Variants in EYS observed in about 807,000 individuals in gnomAD.
EYS encodes the protein protein eyes shut homolog.
Under a neutral mutation model 282.1 loss-of-function variants are expected in EYS, and 250 were observed. The observed-to-expected ratio is 0.89, with a 90% CI of 0.80 to 0.98. The LOEUF is 0.98. EYS is among the 50% of genes least tolerant of loss of function. The probability of loss-of-function intolerance (pLI) is 0.00; values close to 1 mark genes in which losing one functional copy is unlikely to be tolerated. For missense variants in EYS, 4,016 were observed against 3,709.0 expected (o/e 1.08, Z -2.15); for synonymous variants, 1,355 against 1,282.9 (o/e 1.06, Z -1.20).
chr6:64,165,619 T>C (rs1458049676), intron 31 of EYS, among the ~76,000 whole-genome samples: 2 of 152,198 alleles, frequency 1.3e-5, no homozygotes, highest in Admixed American at 6.5e-5. Flanking sequence ...GATTAGTTTT[T>C]GATTTTACTG....
chr6:65,548,760 T>G (rs1216990931), intron 2 of EYS, among the ~76,000 whole-genome samples: 3 of 152,212 alleles, frequency 2.0e-5, no homozygotes, highest in African/African-American at 4.8e-5. Flanking sequence ...AAACCCACCC[T>G]ATGAAGCCCT....
At chr6:64,654,140 A>C (rs751683440) in intron 22 of EYS, among the ~76,000 whole-genome samples, 92 of 152,196 alleles carry the variant, frequency 6.0e-4, no homozygotes, top group Non-Finnish European at 1.1e-3. Context: ...TATTAGAAAC[A>C]GACATTATTG....
chr6:64,356,979 C>T (rs1474190265), intron 29 of EYS, among the ~76,000 whole-genome samples: 1 of 151,490 alleles, frequency 6.6e-6, no homozygotes, highest in Non-Finnish European at 1.5e-5. Context: ...TGATTGAAGA[C>T]TATAAAAAAT....
At chr6:63,806,695 C>A in intron 36 of EYS, 1 of 173,958 alleles carries the variant, frequency 5.7e-6, no homozygotes, top group Non-Finnish European at 1.2e-5. Flanking sequence ...GGCAGCCAAA[C>A]AAAGTATTTA....
chr6:64,449,929 T>G (rs1775263392), intron 26 of EYS, among the ~76,000 whole-genome samples: 2 of 152,066 alleles, frequency 1.3e-5, no homozygotes, highest in Admixed American at 6.5e-5. Flanking sequence ...CCGTCAAGGC[T>G]AGGAAGAAAC....
intron 1 of EYS, among the ~76,000 whole-genome samples, chr6:65,695,202 G>A (rs921565154): frequency 3.3e-5 from 5 of 151,872 alleles, no homozygotes; most frequent in Admixed American, 6.6e-5. Flanking sequence ...TTTCAACAGC[G>A]AGTTATGTGT....
intron 26 of EYS, among the ~76,000 whole-genome samples, chr6:64,502,015 C>T (rs1425211080): frequency 2.6e-5 from 4 of 152,086 alleles, no homozygotes; most frequent in Non-Finnish European, 5.9e-5. Flanking sequence ...AATATAACAC[C>T]GATCTCATAG....
At chr6:64,224,731 C>A (rs1030593416) in intron 31 of EYS, among the ~76,000 whole-genome samples, 1 of 151,458 alleles carries the variant, frequency 6.6e-6, no homozygotes, top group Admixed American at 6.6e-5. Flanking sequence ...TGAAAGGCAA[C>A]AAAAAGTTTT....
intron 26 of EYS, among the ~76,000 whole-genome samples, chr6:64,577,557 G>C (rs1016441031): frequency 6.6e-6 from 1 of 151,840 alleles, no homozygotes; most frequent in East Asian, 1.9e-4. Context: ...ACTATGATCA[G>C]GGCATTCATA....
intron 31 of EYS, among the ~76,000 whole-genome samples, chr6:64,106,803 T>G (rs1033878414): frequency 6.6e-6 from 1 of 152,076 alleles, no homozygotes; most frequent in Non-Finnish European, 1.5e-5. Flanking sequence ...ATATTCTCAT[T>G]ACATATGTGT....
At chr6:64,561,047 A>C (rs1317886238) in intron 26 of EYS, among the ~76,000 whole-genome samples, 1 of 152,196 alleles carries the variant, frequency 6.6e-6, no homozygotes, top group Non-Finnish European at 1.5e-5. Flanking sequence ...TACACAAATC[A>C]ATAAATGTGA....
At chr6:65,294,113 A>G (rs555909497) in intron 12 of EYS, among the ~76,000 whole-genome samples, 2 of 151,750 alleles carry the variant, frequency 1.3e-5, no homozygotes, top group African/African-American at 2.4e-5. Flanking sequence ...GAAGAATTCA[A>G]GATGAAGGGA....
chr6:64,181,238 T>C (rs1764779474), intron 31 of EYS, among the ~76,000 whole-genome samples: 1 of 152,130 alleles, frequency 6.6e-6, no homozygotes, highest in Non-Finnish European at 1.5e-5. Context: ...CACTGGACAT[T>C]AAAGATTTTA....
At position 64,373,361 on chromosome 6, in the gene EYS, A is replaced by G. The variant is rs147403077; in HGVS notation, c.6078+15329T>C. Among the ~76,000 whole-genome samples the G allele has an allele frequency of 2.6e-4, 40 of 152,268 alleles. No individual in the cohort carries two copies. In the East Asian group the frequency reaches 7.7e-3, roughly 29 times the overall value. ...CTCTCTGATTACTGTCTCCATGCCC[A>G]CATTTCTTTTGTTCTGGCCCACAAG... On this transcript the variant is annotated intron_variant, in intron 29 of 42. Transcript: ENST00000503581.
chr6:64,900,201 C>T (rs1767611551), intron 18 of EYS, among the ~76,000 whole-genome samples: 1 of 152,058 alleles, frequency 6.6e-6, no homozygotes, highest in East Asian at 1.9e-4. Flanking sequence ...AAAATGGACC[C>T]CTTCCTTACA....
chr6:64,278,588 C>T (rs576655799), intron 30 of EYS, among the ~76,000 whole-genome samples: 4 of 152,132 alleles, frequency 2.6e-5, no homozygotes, highest in African/African-American at 9.6e-5. Context: ...TATTTCACTG[C>T]CTAAAAGTTC....
At chr6:64,778,143 G>A (rs57628336) in intron 22 of EYS, among the ~76,000 whole-genome samples, 14,439 of 152,110 alleles carry the variant, frequency 0.095, 884 homozygotes, top group East Asian at 0.26. Context: ...AGAAGAACTT[G>A]GACAGGAGCG....
rs1304770924 is a variant in EYS at position 63,827,868 on chromosome 6, AAAAG to A, written c.7229-21500_7229-21497del. On this transcript the variant is annotated intron_variant, in intron 36 of 42. Coordinates refer to ENST00000503581, the MANE Select transcript of EYS (RefSeq NM_001142800.2). ...TCCGTCTCAAAAAAAAAAAAAAAAA[AAAAG>A]AAATTACATCAAGCACTCTCTCAGA... Among the ~76,000 whole-genome samples the A allele has an allele frequency of 1.2e-3, 175 of 151,424 alleles. 1 individual carries two copies. The highest frequency in any genetic ancestry group is 4.0e-3 in the African/African-American group (167 of 41,400).
chr6:65,204,086 G>A (rs11961043), intron 12 of EYS, among the ~76,000 whole-genome samples: 36,400 of 151,776 alleles, frequency 0.24, 4,505 homozygotes, highest in Middle Eastern at 0.28. Flanking sequence ...CCAAATCTAC[G>A]GCTTATAGGC....
Sources: allele counts gnomAD v4.1 joint callset (sites outside exome capture counted in the v4.1 genomes callset), GRCh38; gene constraint gnomAD v4.1.1; transcripts MANE v1.5; gene names NCBI Gene and HGNC (gene_info 2026-07-23, HGNC 2026-07-21).